Variants in HIVEP3 observed in about 807,000 individuals in gnomAD.
HIVEP3 encodes the protein transcription factor HIVEP3.
A neutral mutation model predicts 152.8 loss-of-function variants in HIVEP3; 49 were observed. That is an observed-to-expected ratio of 0.32 (90% confidence interval 0.26 to 0.41). The LOEUF (loss-of-function observed/expected upper bound fraction) is 0.41, where lower values mean the gene tolerates loss of function less well. Ranked by LOEUF, HIVEP3 falls within the 10% of genes least tolerant of loss-of-function variation. The probability of loss-of-function intolerance (pLI) is 1.00; values close to 1 mark genes in which losing one functional copy is unlikely to be tolerated. For synonymous variants in HIVEP3, 1,269 were observed against 1,289.0 expected (o/e 0.98, Z 0.33); for missense variants, 2,790 against 3,103.3 (o/e 0.90, Z 2.40).
At chr1:41,760,247 T>C (rs1172445855) in intron 1 of HIVEP3, among the ~76,000 whole-genome samples, 1 of 152,178 alleles carries the variant, frequency 6.6e-6, no homozygotes, top group Non-Finnish European at 1.5e-5. Flanking sequence ...AAACAGTCAA[T>C]TCATGGAAAG....
chr1:41,939,971 CATT>C lies in HIVEP3; in HGVS notation n.120-21450_120-21448del, dbSNP rs569035593. On this transcript the variant is annotated intron_variant and non_coding_transcript_variant, in intron 1 of 3. Transcript: ENST00000489103. The stretch of plus-strand genomic sequence containing the variant: ...ATTTTCATTATTGATAATTTGATCA[CATT>C]ATTGATTATTTTACTTTAGTCTGAG... Among the ~76,000 whole-genome samples, 108 of 151,686 alleles carry C rather than the reference CATT, an allele frequency of 7.1e-4. 1 individual carries two copies. Among genetic ancestry groups the C allele is most frequent in the Non-Finnish European group, 1.4e-3 (95 of 67,926 alleles).
intron 1 of HIVEP3, among the ~76,000 whole-genome samples, chr1:42,013,522 C>G (rs1385888705): frequency 2.6e-5 from 4 of 152,204 alleles, no homozygotes; most frequent in Non-Finnish European, 5.9e-5. Context: ...GTTTATTTAT[C>G]TTTACATTCC....
intron 2 of HIVEP3, among the ~76,000 whole-genome samples, chr1:41,663,146 T>C (rs1645744979): frequency 6.6e-6 from 1 of 152,240 alleles, no homozygotes; most frequent in Admixed American, 6.5e-5. Flanking sequence ...TCCACAGGTC[T>C]GCGGGAAGGC....
In HIVEP3 at chr1:41,671,365, C is replaced by T. The variant is rs148297768; in HGVS notation, c.-721+29551G>A. Among the ~76,000 whole-genome samples the T allele has an allele frequency of 4.1e-3, 625 of 152,320 alleles. 4 individuals are homozygous for T. The highest frequency in any genetic ancestry group is 7.1e-3 in the Non-Finnish European group (484 of 68,022). On this transcript the variant is annotated intron_variant, in intron 2 of 8. Coordinates refer to ENST00000372583, the MANE Select transcript of HIVEP3 (RefSeq NM_024503.5). ...ATTTTAGACTGAGCATCTGCTCTTC[C>T]GTCCCAGAGATGCAGCTCTGTCTGG...
chr1:41,620,625 C>T (rs1570127440), intron 3 of HIVEP3, among the ~76,000 whole-genome samples: 1 of 152,214 alleles, frequency 6.6e-6, no homozygotes, highest in Admixed American at 6.5e-5. Context: ...CCCCACCCAG[C>T]ACGCCCCAAT....
At chr1:41,820,752 T>C (rs1486762848) in intron 1 of HIVEP3, among the ~76,000 whole-genome samples, 1 of 152,260 alleles carries the variant, frequency 6.6e-6, no homozygotes, top group Admixed American at 6.5e-5. Flanking sequence ...TAGATATTAA[T>C]CCATTAAAAT....
intron 1 of HIVEP3, among the ~76,000 whole-genome samples, chr1:41,912,190 AGGAATGGGATAGGGT>A (rs1157097942): frequency 1.3e-5 from 2 of 152,208 alleles, no homozygotes; most frequent in Non-Finnish European, 1.5e-5. Flanking sequence ...TGAGAAGAGA[AGGAATGGGATAGGGT>A]GGAGGGAGGT....
At chr1:41,515,351 G>A (rs1642573209) in intron 7 of HIVEP3, among the ~76,000 whole-genome samples, 1 of 152,252 alleles carries the variant, frequency 6.6e-6, no homozygotes, top group Admixed American at 6.5e-5. Context: ...GCTATGGGGT[G>A]GAGCTGGGGC....
At chr1:41,924,115 A>G (rs1158128351) in intron 1 of HIVEP3, among the ~76,000 whole-genome samples, 1 of 152,176 alleles carries the variant, frequency 6.6e-6, no homozygotes, top group African/African-American at 2.4e-5. Context: ...ATGAAATCAC[A>G]AGTATCCTTA....
chr1:42,010,109 G>A (rs1202425638), intron 1 of HIVEP3, among the ~76,000 whole-genome samples: 1 of 152,058 alleles, frequency 6.6e-6, no homozygotes, highest in Non-Finnish European at 1.5e-5. Context: ...TGCCCAGGCT[G>A]GTCTCAAACT....
Position 41,722,022 on chromosome 1 carries a change from G to C in HIVEP3, c.-800-21027C>G, listed in dbSNP as rs1439315121. On this transcript the variant is annotated intron_variant, in intron 1 of 8. Coordinates refer to ENST00000372583, the MANE Select transcript of HIVEP3 (RefSeq NM_024503.5). ...TCATCTCTGAAGACTAATGAAGCCAGCCATAAACATGCCATGGGAGGAACT... is the reference window on the plus strand; with the variant it reads ...TCATCTCTGAAGACTAATGAAGCCACCCATAAACATGCCATGGGAGGAACT... 2.0e-5 allele frequency among the ~76,000 whole-genome samples: 3 copies of C among 152,302 alleles called. No individual in the cohort carries two copies. The East Asian group carries it at 5.8e-4, about 29-fold the overall frequency.
intron 3 of HIVEP3, among the ~76,000 whole-genome samples, chr1:41,627,337 G>A (rs1342516383): frequency 6.6e-6 from 1 of 152,224 alleles, no homozygotes; most frequent in Non-Finnish European, 1.5e-5. Flanking sequence ...TCTTAAACCA[G>A]TAAGTGCCTC....
intron 2 of HIVEP3, among the ~76,000 whole-genome samples, chr1:41,695,037 C>G (rs1355867031): frequency 2.0e-5 from 3 of 152,174 alleles, no homozygotes; most frequent in African/African-American, 4.8e-5. Flanking sequence ...GTCACTAAAC[C>G]AAGACAGTCC....
intron 1 of HIVEP3, chr1:41,849,153 C>T (rs1643524507): frequency 6.6e-6 from 1 of 152,184 alleles, no homozygotes; most frequent in Admixed American, 6.5e-5. Flanking sequence ...CTGGTCACCT[C>T]ATTCTAGTTC....
intron 1 of HIVEP3, among the ~76,000 whole-genome samples, chr1:41,742,068 A>G (rs1647004968): frequency 6.6e-6 from 1 of 152,206 alleles, no homozygotes; most frequent in South Asian, 2.1e-4. Context: ...ATTCTACACC[A>G]TTGTGAATTG....
rs1644402569 is a variant in HIVEP3, at chr1:41,581,276, T to C, written c.3522A>G (p.Ser1174=). The C allele has an allele frequency of 2.5e-6, 4 of 1,606,682 alleles. No individual in the cohort carries two copies. The highest frequency in any genetic ancestry group is 3.4e-6 in the Non-Finnish European group (4 of 1,176,872). Residue 1174 remains serine, a synonymous_variant, in exon 4 of 9, where the codon TCA becomes TCG. Transcript: ENST00000372583. The surrounding 1 kb of genome is among the most constrained non-coding windows in gnomAD (Gnocchi z 4.5). The part of the protein sequence containing the change: ...STQAMSSLLS[S]PYSMPPLPPS... ...GAGGAAGTGGGGGCATGGAGTATGGTGAGGACAGGAGGCTGGACATGGCCT... is the reference window on the plus strand; with the variant it reads ...GAGGAAGTGGGGGCATGGAGTATGGCGAGGACAGGAGGCTGGACATGGCCT...
chr1:41,826,368 G>T (rs543203274), intron 1 of HIVEP3, among the ~76,000 whole-genome samples: 2 of 152,260 alleles, frequency 1.3e-5, no homozygotes, highest in East Asian at 3.9e-4. Flanking sequence ...CTCACTCAGC[G>T]CTTCAAGTGT....
intron 1 of HIVEP3, among the ~76,000 whole-genome samples, chr1:41,788,211 C>T (rs1649481260): frequency 6.6e-6 from 1 of 152,172 alleles, no homozygotes; most frequent in South Asian, 2.1e-4. Context: ...CTCCCAGCAG[C>T]TTCCAGGGCA....
At chr1:41,642,271 A>G (rs912331081) in intron 2 of HIVEP3, among the ~76,000 whole-genome samples, 3 of 152,238 alleles carry the variant, frequency 2.0e-5, no homozygotes, top group African/African-American at 7.2e-5. Flanking sequence ...CTCCTTAGAG[A>G]GTAATGTCTG....
Sources: allele counts gnomAD v4.1 joint callset (sites outside exome capture counted in the v4.1 genomes callset), GRCh38; gene constraint gnomAD v4.1.1; non-coding constraint Gnocchi (gnomAD v3.1); transcripts MANE v1.5; gene names NCBI Gene and HGNC (gene_info 2026-07-23, HGNC 2026-07-21).